The following ZW10 variants were observed in gnomAD, a reference collection of about 807,000 sequenced individuals.
ZW10 encodes zw10 kinetochore protein.
In ZW10, 53 loss-of-function variants were observed where a neutral mutation model predicts 87.8. That is an observed-to-expected ratio of 0.60 (90% CI 0.48 to 0.76). The LOEUF (loss-of-function observed/expected upper bound fraction) is 0.76, where lower values mean the gene tolerates loss of function less well. Among genes scored for constraint, ZW10 ranks in the 30% least tolerant of loss-of-function variants. ZW10 has a pLI of 0.00. For missense variants in ZW10, 837 were observed against 923.0 expected, an observed-to-expected ratio of 0.91 and a Z score of 1.21; for synonymous variants, 312 against 329.2, an observed-to-expected ratio of 0.95 and a Z score of 0.57.
At chr11:113,736,874 G>T (rs1329416829) in intron 14 of ZW10, 52 bp from the exon 15 acceptor site, 1 of 1,560,662 alleles carries the variant, frequency 6.4e-7, no homozygotes. Flanking sequence ...CAGCTCAGAA[G>T]TGGGGAAAGG....
chr11:113,756,309 A>T (rs534315326), intron 7 of ZW10, among the ~76,000 whole-genome samples: 2 of 152,226 alleles, frequency 1.3e-5, no homozygotes, highest in Non-Finnish European at 2.9e-5. Context: ...GATCAGGAGA[A>T]CTTAAAACTA....
chr11:113,759,425 G>T (rs1442170660), intron 5 of ZW10, among the ~76,000 whole-genome samples: 1 of 152,122 alleles, frequency 6.6e-6, no homozygotes, highest in Non-Finnish European at 1.5e-5. Context: ...ACACACATAT[G>T]TATATAATGA....
At chr11:113,757,354 G>A (rs1953800111) in intron 7 of ZW10, among the ~76,000 whole-genome samples, 1 of 152,142 alleles carries the variant, frequency 6.6e-6, no homozygotes, top group Non-Finnish European at 1.5e-5. Flanking sequence ...ATTAAAGCAC[G>A]AGTTCCAATT....
Position 113,758,628 on chromosome 11 carries a change from G to C in ZW10, c.659C>G (p.Pro220Arg). 1 of 1,614,044 alleles carries C rather than the reference G, an allele frequency of 6.2e-7. No individual in the cohort carries two copies. Among genetic ancestry groups the C allele is most frequent in the Admixed American group, 1.7e-5 (1 of 60,016 alleles). Residue 220 changes from proline (P) to arginine (R), a missense_variant, in exon 6 of 16, where the codon CCT becomes CGT. Coordinates refer to ENST00000200135, the MANE Select transcript of ZW10 (RefSeq NM_004724.4). ...TEQSHKEEKT[P>R]MPPISSVLLA... Reference sequence around the variant, plus strand: ...GAGGACAGAACTGATGGGTGGCATAGGGGTCTTCTCCTCTTTGTGCGATTG... The same window carrying C: ...GAGGACAGAACTGATGGGTGGCATACGGGTCTTCTCCTCTTTGTGCGATTG...
In ZW10 at chr11:113,737,442, GAA is replaced by G. The variant is rs3835162; in HGVS notation, c.2016+128_2016+129del. The G allele has an allele frequency of 3.9e-3, 3,227 of 819,000 alleles. 21 individuals carry two copies. Among genetic ancestry groups the G allele is most frequent in the African/African-American group, 6.1e-3 (330 of 53,700 alleles). The allele number at this position is 819,000 out of a possible 1,614,324, so 50.7% of individuals were successfully genotyped here. A position where few individuals can be genotyped will look rare whatever the true frequency, so the allele number is the denominator to read the frequency against. ...AGCAAAACAGATATAAAACAAAACTGAAAAAAAAAAAAACAGCATGAGTTAGA... is the reference window on the plus strand; with the variant it reads ...AGCAAAACAGATATAAAACAAAACTGAAAAAAAAAAACAGCATGAGTTAGA... On this transcript the variant is annotated intron_variant, in intron 14 of 15. Coordinates refer to ENST00000200135, the MANE Select transcript of ZW10 (RefSeq NM_004724.4).
chr11:113,742,037 A>C (rs963650193), intron 10 of ZW10, among the ~76,000 whole-genome samples: 1 of 152,222 alleles, frequency 6.6e-6, no homozygotes, highest in Admixed American at 6.5e-5. Context: ...CTATTTATCA[A>C]TTTCTGTTCT....
intron 8 of ZW10, among the ~76,000 whole-genome samples, chr11:113,748,037 T>G (rs941888852): frequency 6.6e-6 from 1 of 152,104 alleles, no homozygotes; most frequent in Admixed American, 6.5e-5. Flanking sequence ...TAAGTATAAA[T>G]GAACATAAAG....
At chr11:113,768,183 T>A (rs1953926950) in intron 2 of ZW10, among the ~76,000 whole-genome samples, 1 of 152,224 alleles carries the variant, frequency 6.6e-6, no homozygotes, top group Admixed American at 6.5e-5. Flanking sequence ...AAATTCTCTA[T>A]TATGAACCAT....
At chr11:113,743,315 T>C (rs1381745902) in intron 10 of ZW10, among the ~76,000 whole-genome samples, 1 of 152,198 alleles carries the variant, frequency 6.6e-6, no homozygotes, top group Non-Finnish European at 1.5e-5. Context: ...GTAAAAAGAA[T>C]GTTAAGCTAA....
chr11:113,736,522 TA>T, intron 15 of ZW10, 97 bp downstream of exon 15: 2 of 1,250,302 alleles, frequency 1.6e-6, no homozygotes, highest in Admixed American at 3.6e-5. Context: ...CTTGCATGAC[TA>T]ACATCAGGAA....
At chr11:113,756,785 G>C (rs573029215) in intron 7 of ZW10, among the ~76,000 whole-genome samples, 35 of 152,166 alleles carry the variant, frequency 2.3e-4, no homozygotes, top group African/African-American at 7.7e-4. Flanking sequence ...TGGATGCTTT[G>C]TTTACAACTT....
chr11:113,745,395 G>C (rs1953668105), intron 9 of ZW10, among the ~76,000 whole-genome samples: 1 of 151,886 alleles, frequency 6.6e-6, no homozygotes, highest in African/African-American at 2.4e-5. Context: ...CTTCGACAGA[G>C]ATTTTCTGGC....
At chr11:113,737,210 A>C (rs921933104) in intron 14 of ZW10, among the ~76,000 whole-genome samples, 3 of 152,206 alleles carry the variant, frequency 2.0e-5, no homozygotes, top group Admixed American at 1.3e-4. Flanking sequence ...AAACTGCAAC[A>C]GTGTGTTGGA....
chr11:113,736,926 C>T (rs1291147795), intron 14 of ZW10, 104 bp from the exon 15 acceptor site: 3 of 1,059,536 alleles, frequency 2.8e-6, no homozygotes, highest in Non-Finnish European at 4.3e-6. Flanking sequence ...GGGTCAGCTA[C>T]AACATGTTTT....
intron 13 of ZW10, 129 bp from the exon 14 acceptor site, chr11:113,737,832 G>GAGGTAAAGTA: frequency 9.7e-7 from 1 of 1,033,810 alleles, no homozygotes; most frequent in East Asian, 2.4e-5. Context: ...AGTAACTAAG[G>GAGGTAAAGTA]ACATATGCTT....
intron 9 of ZW10, among the ~76,000 whole-genome samples, chr11:113,745,985 T>A (rs1953672446): frequency 7.0e-6 from 1 of 143,118 alleles, no homozygotes; most frequent in African/African-American, 2.5e-5. Context: ...GAAAACTCTG[T>A]CTTAAAGGGG....
At position 113,747,528 on chromosome 11, in the gene ZW10, T is replaced by C; in HGVS notation, c.1272+3A>G. On this transcript the variant is annotated splice_donor_region_variant and intron_variant, in intron 9 of 15. Transcript: ENST00000200135. ...CATATACAATGCAATATAACACTGGTACCTTCACAGTGTTATGAATTTCTG... is the reference window on the plus strand; with the variant it reads ...CATATACAATGCAATATAACACTGGCACCTTCACAGTGTTATGAATTTCTG... The C allele has an allele frequency of 6.2e-7, 1 of 1,609,094 alleles. No individual in the cohort carries two copies. Among genetic ancestry groups the C allele is most frequent in the Non-Finnish European group, 8.5e-7 (1 of 1,176,468 alleles).
At chr11:113,769,745 TG>T in intron 1 of ZW10, 1 of 424,586 alleles carries the variant, frequency 2.4e-6, no homozygotes, top group South Asian at 1.9e-5. Flanking sequence ...TTAATGCCTG[TG>T]GTTTCCACAG....
At chr11:113,764,765 T>C (rs1053162184) in intron 2 of ZW10, among the ~76,000 whole-genome samples, 5 of 152,218 alleles carry the variant, frequency 3.3e-5, no homozygotes, top group Non-Finnish European at 5.9e-5. Context: ...CTGAAATGTA[T>C]TTAACAGTAC....
Sources: gnomAD v4.1 joint callset for allele counts (sites outside exome capture counted in the v4.1 genomes callset) on GRCh38, gnomAD v4.1.1 for gene constraint, MANE v1.5 for transcripts, NCBI Gene and HGNC (gene_info 2026-07-23, HGNC 2026-07-21) for gene names.